Variants in STAG1 observed in about 807,000 individuals in gnomAD.
The protein encoded by STAG1 is cohesin subunit SA-1.
Under a neutral mutation model 170.9 loss-of-function variants are expected in STAG1, and 26 were observed. The observed-to-expected ratio is 0.15, with a 90% CI of 0.11 to 0.21. STAG1 has a LOEUF of 0.21. Among genes scored for constraint, STAG1 ranks in the 10% least tolerant of loss-of-function variants. STAG1 has a pLI of 1.00. For synonymous variants in STAG1, 514 were observed against 497.7 expected (o/e 1.03, Z -0.44); for missense variants, 964 against 1,509.5 (o/e 0.64, Z 5.99).
At chr3:136,561,091 CA>C (rs1203798100) in intron 5 of STAG1, among the ~76,000 whole-genome samples, 8 of 152,140 alleles carry the variant, frequency 5.3e-5, no homozygotes, top group African/African-American at 1.9e-4. Flanking sequence ...TATTAATGTG[CA>C]AGACAAGGAG....
chr3:136,463,017 A>T (rs943976439), intron 13 of STAG1, among the ~76,000 whole-genome samples: 6 of 152,202 alleles, frequency 3.9e-5, no homozygotes, highest in African/African-American at 1.4e-4. Flanking sequence ...AAAGTAGAGA[A>T]TAGAGACTAA....
At chr3:136,713,732 T>G (rs1358027223) in intron 1 of STAG1, among the ~76,000 whole-genome samples, 2 of 150,564 alleles carry the variant, frequency 1.3e-5, no homozygotes, top group Non-Finnish European at 3.0e-5. Context: ...TACAAAAAAT[T>G]TATAACTTGG....
intron 1 of STAG1, among the ~76,000 whole-genome samples, chr3:136,683,592 A>G (rs2107889571): frequency 6.6e-6 from 1 of 152,204 alleles, no homozygotes; most frequent in East Asian, 1.9e-4. Flanking sequence ...TTTAAACTAC[A>G]GATAATGTTG....
intron 9 of STAG1, among the ~76,000 whole-genome samples, chr3:136,485,934 C>T (rs1487260833): frequency 6.6e-6 from 1 of 152,156 alleles, no homozygotes; most frequent in African/African-American, 2.4e-5. Flanking sequence ...TAAGTTGTTT[C>T]CAAGGTTTTG....
intron 1 of STAG1, among the ~76,000 whole-genome samples, chr3:136,688,284 G>T (rs1036125247): frequency 6.6e-6 from 1 of 152,208 alleles, no homozygotes; most frequent in South Asian, 2.1e-4. Flanking sequence ...GAGTTCTTAT[G>T]TAAGTGTCTT....
intron 3 of STAG1, among the ~76,000 whole-genome samples, chr3:136,615,193 G>A (rs375546264): frequency 6.6e-6 from 1 of 151,470 alleles, no homozygotes; most frequent in Admixed American, 6.6e-5. Flanking sequence ...GTTCCAGAAC[G>A]AAAAAACACA....
chr3:136,377,864 T>A, intron 22 of STAG1, 112 bp from the exon 23 acceptor site: 6 of 807,198 alleles, frequency 7.4e-6, no homozygotes, highest in Non-Finnish European at 1.2e-5. Context: ...AGGAAATTCA[T>A]ATAACCAAAT....
rs529424236 is a variant in STAG1 at position 136,358,194 on chromosome 3, C to T, written c.2937-346G>A. Among the ~76,000 whole-genome samples the T allele has an allele frequency of 4.6e-5, 7 of 151,684 alleles. No individual in the cohort carries two copies. The South Asian group carries it at 1.5e-3, about 32-fold the overall frequency. ...TGACTTCCTGGGCTTAGGTGATTCT[C>T]CCACCTCAGCCTCCCGAGTAGCTGG... On this transcript the variant is annotated intron_variant, in intron 27 of 33. Coordinates refer to ENST00000383202, the MANE Select transcript of STAG1 (RefSeq NM_005862.3).
intron 21 of STAG1, among the ~76,000 whole-genome samples, chr3:136,410,258 G>A (rs577428091): frequency 2.0e-5 from 3 of 151,942 alleles, no homozygotes; most frequent in Middle Eastern, 3.4e-3. Flanking sequence ...AAATTATCTC[G>A]GTGTGGTGGC....
intron 4 of STAG1, among the ~76,000 whole-genome samples, chr3:136,581,992 CAA>C (rs1218728540): frequency 3.3e-5 from 5 of 152,138 alleles, no homozygotes; most frequent in African/African-American, 9.6e-5. Context: ...AAATTTCTAA[CAA>C]GAGTATATAT....
chr3:136,592,860 G>A (rs1305427436), intron 4 of STAG1, among the ~76,000 whole-genome samples: 1 of 152,200 alleles, frequency 6.6e-6, no homozygotes, highest in Non-Finnish European at 1.5e-5. Context: ...AATAACCACT[G>A]TAGACAGTCT....
At chr3:136,520,155 C>G (rs1183176190) in intron 7 of STAG1, among the ~76,000 whole-genome samples, 1 of 152,080 alleles carries the variant, frequency 6.6e-6, no homozygotes, top group South Asian at 2.1e-4. Context: ...CAAAAAATAA[C>G]AAAATTTTAA....
At chr3:136,400,072 A>C (rs1250723128) in intron 21 of STAG1, among the ~76,000 whole-genome samples, 1 of 151,498 alleles carries the variant, frequency 6.6e-6, no homozygotes, top group Non-Finnish European at 1.5e-5. Context: ...ACAGGTATGC[A>C]CCACCACATC....
chr3:136,680,932 G>A (rs1017547358), intron 1 of STAG1, among the ~76,000 whole-genome samples: 36 of 141,106 alleles, frequency 2.6e-4, no homozygotes, highest in Admixed American at 1.6e-3. Context: ...ATGCTCAAGT[G>A]CCTTATATAA....
intron 25 of STAG1, among the ~76,000 whole-genome samples, chr3:136,365,419 TGAA>T (rs1206164897): frequency 6.6e-6 from 1 of 151,966 alleles, no homozygotes; most frequent in East Asian, 1.9e-4. Context: ...TAAGAAATGG[TGAA>T]GAATAGGAAA....
At chr3:136,432,354 C>T (rs1288144802) in intron 16 of STAG1, among the ~76,000 whole-genome samples, 1 of 152,086 alleles carries the variant, frequency 6.6e-6, no homozygotes, top group Non-Finnish European at 1.5e-5. Context: ...CTGCTAAATC[C>T]AACATATAGC....
At chr3:136,571,692 A>G (rs1405254848) in intron 4 of STAG1, among the ~76,000 whole-genome samples, 3 of 151,432 alleles carry the variant, frequency 2.0e-5, no homozygotes, top group Non-Finnish European at 4.4e-5. Flanking sequence ...GGCAACATAC[A>G]AAGACCCTCA....
intron 9 of STAG1, among the ~76,000 whole-genome samples, chr3:136,498,594 G>A (rs1021521318): frequency 3.3e-5 from 5 of 151,654 alleles, no homozygotes; most frequent in Non-Finnish European, 5.9e-5. Context: ...TATCTCGCTT[G>A]TGGTGGTGGT....
At chr3:136,471,855 T>A (rs2089635671) in intron 12 of STAG1, among the ~76,000 whole-genome samples, 5 of 152,194 alleles carry the variant, frequency 3.3e-5, no homozygotes, top group Admixed American at 3.3e-4. Context: ...TATTTATTTT[T>A]GACACAGGGT....
Sources: allele counts gnomAD v4.1 joint callset (sites outside exome capture counted in the v4.1 genomes callset), GRCh38; gene constraint gnomAD v4.1.1; transcripts MANE v1.5; gene names NCBI Gene and HGNC (gene_info 2026-07-23, HGNC 2026-07-21).